LRRTM4: variants seen among roughly 807,000 people sequenced by gnomAD.
LRRTM4 encodes the protein leucine-rich repeat transmembrane neuronal protein 4.
LRRTM4 carries 25 observed loss-of-function variants against 47.6 expected under a neutral mutation model. The observed-to-expected ratio is 0.53, with a 90% confidence interval of 0.38 to 0.73. The LOEUF (loss-of-function observed/expected upper bound fraction) is 0.73. Ranked by LOEUF, LRRTM4 falls within the 30% of genes least tolerant of loss-of-function variation. The pLI is 0.00. For synonymous variants in LRRTM4, 311 were observed against 269.5 expected (o/e 1.15, Z -1.51); for missense variants, 638 against 713.4 (o/e 0.89, Z 1.20).
chr2:77,262,505 A>G (rs967782448), intron 3 of LRRTM4, among the ~76,000 whole-genome samples: 1 of 148,538 alleles, frequency 6.7e-6, no homozygotes, highest in Non-Finnish European at 1.5e-5. Context: ...TTTTTACCTA[A>G]TTTTTTTTTT....
At chr2:77,076,793 T>C (rs907166412) in intron 3 of LRRTM4, among the ~76,000 whole-genome samples, 1 of 152,186 alleles carries the variant, frequency 6.6e-6, no homozygotes, top group African/African-American at 2.4e-5. Context: ...TATCGATGAA[T>C]GTCATTTGAT....
chr2:76,807,477 T>TACAC (rs1558667733), intron 3 of LRRTM4, among the ~76,000 whole-genome samples: 3 of 133,328 alleles, frequency 2.3e-5, no homozygotes, highest in East Asian at 2.1e-4. Flanking sequence ...TATACATATA[T>TACAC]ATATATATAC....
chr2:77,325,693 A>C (rs1670743289), intron 3 of LRRTM4, among the ~76,000 whole-genome samples: 1 of 152,080 alleles, frequency 6.6e-6, no homozygotes, highest in South Asian at 2.1e-4. Flanking sequence ...CTATTTCTGA[A>C]ATAATATCAA....
intron 3 of LRRTM4, among the ~76,000 whole-genome samples, chr2:77,515,589 G>T (rs1443682036): frequency 6.6e-6 from 1 of 151,368 alleles, no homozygotes; most frequent in Non-Finnish European, 1.5e-5. Context: ...GGTAGAGTTT[G>T]GTGTTTTTAA....
chr2:77,150,853 T>C (rs1264816644), intron 3 of LRRTM4, among the ~76,000 whole-genome samples: 1 of 152,174 alleles, frequency 6.6e-6, no homozygotes, highest in Non-Finnish European at 1.5e-5. Context: ...TCAGCTGCTA[T>C]ATTTTCTTCC....
chr2:77,435,381 T>C (rs2103914807), intron 3 of LRRTM4, among the ~76,000 whole-genome samples: 1 of 152,324 alleles, frequency 6.6e-6, no homozygotes, highest in South Asian at 2.1e-4. Context: ...TTTAAAGTTT[T>C]ATTACTCAGC....
intron 3 of LRRTM4, among the ~76,000 whole-genome samples, chr2:77,176,269 A>AT (rs1181147320): frequency 2.6e-5 from 4 of 152,202 alleles, no homozygotes; most frequent in African/African-American, 9.6e-5. Flanking sequence ...ATGCCTCTTC[A>AT]TACTGGTCAC....
intron 3 of LRRTM4, among the ~76,000 whole-genome samples, chr2:77,080,283 C>T (rs1027894371): frequency 6.6e-6 from 1 of 152,068 alleles, no homozygotes. Flanking sequence ...CTTTTTTTGA[C>T]CTTTATTCTT....
At chr2:76,987,794 A>G (rs1676855232) in intron 3 of LRRTM4, among the ~76,000 whole-genome samples, 1 of 151,746 alleles carries the variant, frequency 6.6e-6, no homozygotes, top group African/African-American at 2.4e-5. Context: ...TCCACTTTGG[A>G]GGCCTGAAAA....
chr2:77,442,436 T>C (rs965604524), intron 3 of LRRTM4, among the ~76,000 whole-genome samples: 4 of 152,180 alleles, frequency 2.6e-5, no homozygotes, highest in Non-Finnish European at 5.9e-5. Flanking sequence ...ATACATTTTA[T>C]ATAGTGCAAT....
Position 76,863,158 on chromosome 2 carries a change from T to A in LRRTM4, c.1552-114242A>T, listed in dbSNP as rs144015367. ...GACTTGTCCATTTCCCCCAGGCTATTGTAAAATTTTACGGAGAGAGAAAAA... is the reference window on the plus strand; with the variant it reads ...GACTTGTCCATTTCCCCCAGGCTATAGTAAAATTTTACGGAGAGAGAAAAA... On this transcript the variant is annotated intron_variant, in intron 3 of 3. Coordinates refer to ENST00000409884, the MANE Select transcript of LRRTM4 (RefSeq NM_001134745.3). Among the ~76,000 whole-genome samples the A allele has an allele frequency of 7.5e-3, 1,144 of 152,256 alleles. 8 individuals carry two copies. Among genetic ancestry groups the A allele is most frequent in the Non-Finnish European group, 0.013 (860 of 68,012 alleles).
At chr2:76,906,009 C>A (rs1673822630) in intron 3 of LRRTM4, among the ~76,000 whole-genome samples, 1 of 152,066 alleles carries the variant, frequency 6.6e-6, no homozygotes, top group Non-Finnish European at 1.5e-5. Flanking sequence ...CACAAAGATA[C>A]TCCTCGAGAA....
rs907537583 is a variant in LRRTM4 at position 76,777,138 on chromosome 2, A to G, written c.1552-28222T>C. ...TCTATATCTCTGTTTTGGTACCAGTACCATGCTGTTTTGGTTACTGTAGCC... is the reference window on the plus strand; with the variant it reads ...TCTATATCTCTGTTTTGGTACCAGTGCCATGCTGTTTTGGTTACTGTAGCC... On this transcript the variant is annotated intron_variant, in intron 3 of 3. Transcript: ENST00000409884. Among the ~76,000 whole-genome samples, 35 of 150,206 alleles carry G rather than the reference A, an allele frequency of 2.3e-4. 1 individual carries two copies. The highest frequency in any genetic ancestry group is 8.9e-4 in the South Asian group (4 of 4,498).
At chr2:76,795,322 G>C (rs1361311679) in intron 3 of LRRTM4, among the ~76,000 whole-genome samples, 1 of 151,020 alleles carries the variant, frequency 6.6e-6, no homozygotes, top group Non-Finnish European at 1.5e-5. Flanking sequence ...TATATATGTA[G>C]TTCATCTTTC....
intron 3 of LRRTM4, among the ~76,000 whole-genome samples, chr2:77,243,983 A>G (rs1164779518): frequency 8.0e-6 from 1 of 125,302 alleles, no homozygotes; most frequent in Admixed American, 8.7e-5. Context: ...ATGTGATCTC[A>G]TTGTTCAATT....
At chr2:77,091,220 A>C (rs1670625914) in intron 3 of LRRTM4, among the ~76,000 whole-genome samples, 1 of 150,468 alleles carries the variant, frequency 6.6e-6, no homozygotes, top group African/African-American at 2.5e-5. Flanking sequence ...CCCAATCAAG[A>C]GCCTCCTTTG....
intron 3 of LRRTM4, among the ~76,000 whole-genome samples, chr2:77,399,475 T>TGAGCTGTTGCG (rs1196803424): frequency 6.6e-6 from 1 of 151,774 alleles, no homozygotes; most frequent in African/African-American, 2.4e-5. Flanking sequence ...AGGAGCTGGT[T>TGAGCTGTTGCG]GAGCTGTTGC....
rs1306243409 is a variant in LRRTM4 at position 77,042,246 on chromosome 2, T to C, written c.1552-293330A>G. Among the ~76,000 whole-genome samples the C allele has an allele frequency of 2.0e-5, 3 of 151,408 alleles. No individual in the cohort carries two copies. The East Asian group carries it at 5.8e-4, about 29-fold the overall frequency. On this transcript the variant is annotated intron_variant, in intron 3 of 3. Coordinates refer to ENST00000409884, the MANE Select transcript of LRRTM4 (RefSeq NM_001134745.3). ...TGACATATTTAGGGGTAAGTGGACA[T>C]TATTTTTACAAGCTACTCTCAAATA...
At chr2:77,157,787 G>A (rs1428742926) in intron 3 of LRRTM4, among the ~76,000 whole-genome samples, 1 of 152,116 alleles carries the variant, frequency 6.6e-6, no homozygotes, top group Non-Finnish European at 1.5e-5. Flanking sequence ...ACCTGAGTGT[G>A]ATCAGGACTC....
Sources: gnomAD v4.1 joint callset for allele counts (sites outside exome capture counted in the v4.1 genomes callset) on GRCh38, gnomAD v4.1.1 for gene constraint, MANE v1.5 for transcripts, NCBI Gene and HGNC (gene_info 2026-07-23, HGNC 2026-07-21) for gene names.